Variants in LMO2 observed in about 807,000 individuals in gnomAD.
LMO2 encodes rhombotin-2.
LMO2 carries 20 observed loss-of-function variants against 23.2 expected under a neutral mutation model. That is an observed-to-expected ratio of 0.86 (90% CI 0.61 to 1.25). The LOEUF (loss-of-function observed/expected upper bound fraction) is 1.25, where lower values mean the gene tolerates loss of function less well. LMO2 is among the 50% of genes most tolerant of loss of function. The probability of loss-of-function intolerance (pLI) is 0.00; values close to 1 mark genes in which losing one functional copy is unlikely to be tolerated. For synonymous variants in LMO2, 123 were observed against 130.2 expected, an observed-to-expected ratio of 0.94 and a Z score of 0.38; for missense variants, 270 against 315.3, an observed-to-expected ratio of 0.86 and a Z score of 1.09.
At chr11:33,861,257 A>G (rs571383605) in intron 5 of LMO2, among the ~76,000 whole-genome samples, 7 of 152,368 alleles carry the variant, frequency 4.6e-5, no homozygotes, top group Non-Finnish European at 1.0e-4. Flanking sequence ...CCTTTAGGAC[A>G]GTTTTAGGTG....
intron 2 of LMO2, among the ~76,000 whole-genome samples, chr11:33,878,723 G>A (rs909892007): frequency 1.3e-5 from 2 of 152,148 alleles, no homozygotes; most frequent in African/African-American, 4.8e-5. Context: ...GCTCATGGTG[G>A]TGATCCCTTT....
intron 1 of LMO2, among the ~76,000 whole-genome samples, chr11:33,889,455 C>G (rs1857491722): frequency 6.6e-6 from 1 of 152,186 alleles, no homozygotes; most frequent in Non-Finnish European, 1.5e-5. Context: ...ACAAAGCAGT[C>G]ACACTAGAGA....
intron 2 of LMO2, among the ~76,000 whole-genome samples, chr11:33,873,684 T>C (rs1857075180): frequency 1.3e-5 from 2 of 152,212 alleles, no homozygotes; most frequent in South Asian, 4.1e-4. Context: ...CCCCAATTCC[T>C]TGCAAATCTT....
At chr11:33,865,935 A>C (rs1350524677) in intron 4 of LMO2, among the ~76,000 whole-genome samples, 2 of 152,248 alleles carry the variant, frequency 1.3e-5, no homozygotes, top group Non-Finnish European at 2.9e-5. Context: ...CTGGAACCTT[A>C]CTTAAACACA....
intron 2 of LMO2, among the ~76,000 whole-genome samples, chr11:33,874,455 G>A (rs577627980): frequency 6.6e-6 from 1 of 152,338 alleles, no homozygotes; most frequent in South Asian, 2.1e-4. Flanking sequence ...CCAGAACTAG[G>A]ATGAGGCCAC....
chr11:33,867,310 G>A (rs1021805744), intron 4 of LMO2, among the ~76,000 whole-genome samples: 4 of 152,190 alleles, frequency 2.6e-5, no homozygotes, highest in African/African-American at 7.2e-5. Flanking sequence ...ACACAATGAA[G>A]CATCTAGTAG....
At chr11:33,877,965 G>A (rs1053961344) in intron 2 of LMO2, among the ~76,000 whole-genome samples, 2 of 152,124 alleles carry the variant, frequency 1.3e-5, no homozygotes, top group East Asian at 1.9e-4. Context: ...CACACTAACT[G>A]ATCTGGAATA....
chr11:33,888,339 A>G (rs1474556995), intron 1 of LMO2, among the ~76,000 whole-genome samples: 2 of 152,158 alleles, frequency 1.3e-5, no homozygotes, highest in Admixed American at 1.3e-4. Flanking sequence ...AACCTGCATC[A>G]GATCATTTCG....
At chr11:33,886,700 C>A (rs1399286324) in intron 1 of LMO2, among the ~76,000 whole-genome samples, 1 of 152,186 alleles carries the variant, frequency 6.6e-6, no homozygotes, top group African/African-American at 2.4e-5. Context: ...GCTTTGGCAT[C>A]CGTGGTGGGG....
At chr11:33,882,247 G>A (rs1291948973) in intron 1 of LMO2, among the ~76,000 whole-genome samples, 1 of 152,210 alleles carries the variant, frequency 6.6e-6, no homozygotes, top group East Asian at 1.9e-4. Flanking sequence ...GGTGTATCAG[G>A]TGGCCTTGCC....
chr11:33,882,824 T>C (rs1857317783), intron 1 of LMO2, among the ~76,000 whole-genome samples: 1 of 152,222 alleles, frequency 6.6e-6, no homozygotes, highest in Non-Finnish European at 1.5e-5. Context: ...CCCAGGGTCA[T>C]ACAGCTGCAT....
Position 33,869,764 on chromosome 11 carries a change from C to G in LMO2, c.-48G>C. On this transcript the variant is annotated 5_prime_UTR_variant, in exon 3 of 6. Transcript: ENST00000257818. ...CCCGGTCCCTCTCGCGCGCTGTCGC[C>G]GGCTCCGCGCCGCCCGCGGGGATGG... 1 of 1,190,064 alleles carries G rather than the reference C, an allele frequency of 8.4e-7. No homozygotes were observed. The highest frequency in any genetic ancestry group is 1.0e-6 in the Non-Finnish European group (1 of 957,254). 73.7% of individuals were successfully genotyped at this position (1,190,064 alleles called of 1,614,324 possible).
At chr11:33,862,705 C>A (rs758969760) in intron 5 of LMO2, among the ~76,000 whole-genome samples, 9 of 152,144 alleles carry the variant, frequency 5.9e-5, no homozygotes, top group Non-Finnish European at 1.0e-4. Context: ...TGCCAGTAAA[C>A]AAGACCTTGG....
In LMO2 at chr11:33,869,728, C is replaced by A. The variant is rs766846872; in HGVS notation, c.-12G>T. The A allele has an allele frequency of 7.0e-6, 9 of 1,291,028 alleles. No homozygotes were observed. The highest frequency in any genetic ancestry group is 8.0e-6 in the Non-Finnish European group (8 of 1,002,738). The allele number at this position is 1,291,028 out of a possible 1,614,324, so 80.0% of individuals were successfully genotyped here. On this transcript the variant is annotated 5_prime_UTR_variant, in exon 3 of 6. Transcript: ENST00000257818. ...ACTTAACCTTCCATCCCGGTCCCGC[C>A]GCCGCCACCGCCCGGTCCCTCTCGC... is the stretch of plus-strand genomic sequence containing the variant.
At chr11:33,859,612 A>T in intron 5 of LMO2, 37 bp from the exon 6 acceptor site, 1 of 1,593,490 alleles carries the variant, frequency 6.3e-7, no homozygotes, top group Non-Finnish European at 8.6e-7. Context: ...AAGACAGTGA[A>T]AGGGACAATC....
At chr11:33,885,477 G>A (rs928755883) in intron 1 of LMO2, among the ~76,000 whole-genome samples, 2 of 152,202 alleles carry the variant, frequency 1.3e-5, no homozygotes, top group Admixed American at 6.5e-5. Flanking sequence ...TGCTCATGGG[G>A]GCAGATAGGA....
At chr11:33,882,044 G>A (rs78364368) in intron 1 of LMO2, among the ~76,000 whole-genome samples, 157 bp from the exon 2 acceptor site, 1,747 of 152,200 alleles carry the variant, frequency 0.011, 33 homozygotes, top group African/African-American at 0.039. Flanking sequence ...ATAGCAGGCG[G>A]GTGTCCTTGA....
At chr11:33,872,360 A>G (rs1857045464) in intron 2 of LMO2, among the ~76,000 whole-genome samples, 1 of 152,192 alleles carries the variant, frequency 6.6e-6, no homozygotes, top group African/African-American at 2.4e-5. Context: ...GACAGAACCT[A>G]TTGCCTAAGT....
chr11:33,879,214 A>G (rs1413067362), intron 2 of LMO2, among the ~76,000 whole-genome samples: 1 of 152,238 alleles, frequency 6.6e-6, no homozygotes, highest in Non-Finnish European at 1.5e-5. Context: ...ATTGGACTAC[A>G]TCAAAATTTA....
Sources: gnomAD v4.1 joint callset for allele counts (sites outside exome capture counted in the v4.1 genomes callset) on GRCh38, gnomAD v4.1.1 for gene constraint, MANE v1.5 for transcripts, NCBI Gene and HGNC (gene_info 2026-07-23, HGNC 2026-07-21) for gene names.